ANGPTL5: variants seen among roughly 807,000 people sequenced by gnomAD.
ANGPTL5 encodes the protein angiopoietin like 5.
A neutral mutation model predicts 39.4 loss-of-function variants in ANGPTL5; 34 were observed. The observed-to-expected ratio is 0.86, with a 90% confidence interval of 0.66 to 1.15. The LOEUF is 1.15. Among genes scored for constraint, ANGPTL5 ranks in the 50% most tolerant of loss-of-function variants. ANGPTL5 has a pLI of 0.00. For missense variants in ANGPTL5, 467 were observed against 457.5 expected, an observed-to-expected ratio of 1.02 and a Z score of -0.19; for synonymous variants, 146 against 152.1, an observed-to-expected ratio of 0.96 and a Z score of 0.29.
At chr11:101,901,015 C>CTTTTTTTTTTTTTTTTTTTTT (rs34425298) in intron 6 of ANGPTL5, among the ~76,000 whole-genome samples, 2 of 98,658 alleles carry the variant, frequency 2.0e-5, no homozygotes, top group Admixed American at 1.1e-4. Context: ...GCACCCCCGG[C>CTTTTTTTTTTTTTTTTTTTTT]TTTTTTTTTT....
At chr11:101,894,707 G>T (rs1240244491) in intron 8 of ANGPTL5, among the ~76,000 whole-genome samples, 172 bp downstream of exon 8, 1 of 152,132 alleles carries the variant, frequency 6.6e-6, no homozygotes, top group Non-Finnish European at 1.5e-5. Flanking sequence ...GTAGTACAAT[G>T]ATCATAACAA....
At chr11:101,895,454 G>A (rs1939774676) in intron 7 of ANGPTL5, among the ~76,000 whole-genome samples, 1 of 152,032 alleles carries the variant, frequency 6.6e-6, no homozygotes, top group African/African-American at 2.4e-5. Flanking sequence ...AAATATTATG[G>A]CAGGTAACAA....
intron 2 of ANGPTL5, among the ~76,000 whole-genome samples, chr11:101,907,500 A>G (rs1940019061): frequency 6.6e-6 from 1 of 152,102 alleles, no homozygotes; most frequent in South Asian, 2.1e-4. Context: ...AAGTTTGTGG[A>G]ACAGCTTTTT....
intron 6 of ANGPTL5, among the ~76,000 whole-genome samples, chr11:101,900,947 G>A (rs1939885335): frequency 6.6e-6 from 1 of 150,376 alleles, no homozygotes; most frequent in Non-Finnish European, 1.5e-5. Flanking sequence ...CGCCTCCCGG[G>A]TTCACGCCAT....
chr11:101,902,361 T>A (rs1051388587), intron 6 of ANGPTL5, among the ~76,000 whole-genome samples: 2 of 152,162 alleles, frequency 1.3e-5, no homozygotes, highest in African/African-American at 4.8e-5. Context: ...TTGCATCACA[T>A]GGATTTACTT....
intron 7 of ANGPTL5, 103 bp downstream of exon 7, chr11:101,900,327 G>T: frequency 2.6e-6 from 3 of 1,167,920 alleles, no homozygotes; most frequent in Non-Finnish European, 3.7e-6. Flanking sequence ...TTTGATATTT[G>T]CAAGCATTTG....
chr11:101,908,421 T>C (rs1389142680), intron 1 of ANGPTL5, among the ~76,000 whole-genome samples: 1 of 152,138 alleles, frequency 6.6e-6, no homozygotes, highest in Non-Finnish European at 1.5e-5. Flanking sequence ...AAATGCTAAG[T>C]AGAAATTTGA....
chr11:101,904,182 GA>G (rs1296059533), intron 5 of ANGPTL5, among the ~76,000 whole-genome samples: 1 of 152,088 alleles, frequency 6.6e-6, no homozygotes, highest in African/African-American at 2.4e-5. Flanking sequence ...TCACATAGAA[GA>G]TTTTTAGGCA....
intron 7 of ANGPTL5, among the ~76,000 whole-genome samples, chr11:101,896,732 C>T (rs1939804164): frequency 6.6e-6 from 1 of 152,246 alleles, no homozygotes; most frequent in African/African-American, 2.4e-5. Flanking sequence ...ATATGTGCCA[C>T]ATTTTCCTTA....
intron 1 of ANGPTL5, among the ~76,000 whole-genome samples, chr11:101,910,666 T>C (rs1940076883): frequency 2.6e-5 from 4 of 152,054 alleles, no homozygotes; most frequent in Non-Finnish European, 5.9e-5. Context: ...CTTTATCCAA[T>C]TGTTTGAGCC....
At chr11:101,907,064 T>A (rs781483311) in intron 3 of ANGPTL5, 39 bp downstream of exon 3, 7 of 1,422,142 alleles carry the variant, frequency 4.9e-6, no homozygotes, top group East Asian at 2.5e-5. Context: ...AAATAATGAA[T>A]CATATACTCT....
chr11:101,891,609 A>G lies in ANGPTL5; in HGVS notation c.848-11T>C. ...CCCGGAATGCATCACCTGGGAAAAA[A>G]ATTTTTAATGATCGAATTTAAAGGA... On this transcript the variant is annotated splice_polypyrimidine_tract_variant and intron_variant, in intron 8 of 8. Transcript: ENST00000334289. 6.2e-7 allele frequency: 1 copy of G among 1,613,102 alleles called. No homozygotes were observed. Among genetic ancestry groups the G allele is most frequent in the Non-Finnish European group, 8.5e-7 (1 of 1,179,436 alleles).
intron 6 of ANGPTL5, among the ~76,000 whole-genome samples, chr11:101,902,318 T>C (rs1939917809): frequency 6.6e-6 from 1 of 152,176 alleles, no homozygotes; most frequent in African/African-American, 2.4e-5. Context: ...CTGCCTGCTA[T>C]AGTTCTGCCT....
At chr11:101,915,406 C>T in intron 1 of ANGPTL5, 4 of 1,613,048 alleles carry the variant, frequency 2.5e-6, no homozygotes, top group Non-Finnish European at 3.4e-6. Flanking sequence ...CGACCTGGCT[C>T]TTACCTGTAT....
intron 7 of ANGPTL5, among the ~76,000 whole-genome samples, chr11:101,898,219 G>A (rs796251349): frequency 5.9e-5 from 9 of 151,518 alleles, no homozygotes; most frequent in Admixed American, 1.3e-4. Context: ...GTGAAACTTC[G>A]TCTCAAAAAA....
Position 101,894,812 on chromosome 11 carries a change from T to C in ANGPTL5, c.847+67A>G, listed in dbSNP as rs533067957. On this transcript the variant is annotated intron_variant, in intron 8 of 8. Coordinates refer to ENST00000334289, the MANE Select transcript of ANGPTL5 (RefSeq NM_178127.5). ...TACAAAGACAAATGCATTATTTTTATCTTCACTTAATAATGAGTCAGTTAT... is the reference window on the plus strand; with the variant it reads ...TACAAAGACAAATGCATTATTTTTACCTTCACTTAATAATGAGTCAGTTAT... 46 of 1,385,086 alleles carry C rather than the reference T, an allele frequency of 3.3e-5. No individual in the cohort carries two copies. In the African/African-American group the frequency reaches 6.0e-4, roughly 18 times the overall value. The allele number at this position is 1,385,086 out of a possible 1,614,324, so 85.8% of individuals were successfully genotyped here. A position where few individuals can be genotyped will look rare whatever the true frequency, so the allele number is the denominator to read the frequency against.
intron 1 of ANGPTL5, among the ~76,000 whole-genome samples, chr11:101,910,882 A>G (rs1940080485): frequency 6.6e-6 from 1 of 152,038 alleles, no homozygotes; most frequent in African/African-American, 2.4e-5. Flanking sequence ...TCCCCACAAC[A>G]ACTAGAGGGT....
intron 1 of ANGPTL5, chr11:101,915,302 C>G (rs201779479): frequency 8.7e-6 from 14 of 1,613,460 alleles, no homozygotes; most frequent in South Asian, 1.1e-5. Context: ...CGGGGAGGCC[C>G]GGAACCCGGA....
intron 1 of ANGPTL5, among the ~76,000 whole-genome samples, chr11:101,912,609 T>C (rs968151425): frequency 6.6e-6 from 1 of 152,208 alleles, no homozygotes; most frequent in African/African-American, 2.4e-5. Flanking sequence ...ACTGGCAACA[T>C]TGTTTGAAAT....
Sources: allele counts gnomAD v4.1 joint callset (sites outside exome capture counted in the v4.1 genomes callset), GRCh38; gene constraint gnomAD v4.1.1; transcripts MANE v1.5; gene names NCBI Gene and HGNC (gene_info 2026-07-23, HGNC 2026-07-21).